MZT2B: variants seen among roughly 807,000 people sequenced by gnomAD.
MZT2B encodes the protein mitotic spindle organizing protein 2B.
Under a neutral mutation model 12.1 loss-of-function variants are expected in MZT2B, and 11 were observed. That is an observed-to-expected ratio of 0.91 (90% CI 0.57 to 1.50). The LOEUF (loss-of-function observed/expected upper bound fraction) is 1.50, where lower values mean the gene tolerates loss of function less well. MZT2B is among the 40% of genes most tolerant of loss of function. The probability of loss-of-function intolerance (pLI) is 0.00; values close to 1 mark genes in which losing one functional copy is unlikely to be tolerated. For missense variants in MZT2B, 209 were observed against 227.7 expected (o/e 0.92, Z 0.53); for synonymous variants, 85 against 109.5 (o/e 0.78, Z 1.40).
chr2:130,183,078 G>T, intron 2 of MZT2B: 1 of 530,152 alleles, frequency 1.9e-6, no homozygotes, highest in Non-Finnish European at 3.3e-6. Context: ...CGGGAATCAA[G>T]ACAGTTTGGG....
upstream of MZT2B, chr2:130,182,159 C>A: frequency 8.0e-7 from 1 of 1,256,958 alleles, no homozygotes; most frequent in East Asian, 3.6e-5. Flanking sequence ...CCCGTCCCCG[C>A]GCTCCCGCCC....
the MZT2B span, chr2:130,204,194 T>C: frequency 8.1e-7 from 1 of 1,240,486 alleles, no homozygotes; most frequent in Admixed American, 2.5e-5. Flanking sequence ...TCAGAGACAT[T>C]GAAATCCCAA....
chr2:130,181,722 G>C (rs745691204), upstream of MZT2B: 17 of 1,549,120 alleles, frequency 1.1e-5, no homozygotes, highest in South Asian at 1.9e-4. Flanking sequence ...AAGAGAAATG[G>C]CGAGGCAGGA....
chr2:130,195,069 C>T, downstream of MZT2B: 1 of 1,612,524 alleles, frequency 6.2e-7, no homozygotes, highest in Non-Finnish European at 8.5e-7. Context: ...ATGAAACCTT[C>T]TCTTCTTACC....
intron 2 of MZT2B, among the ~76,000 whole-genome samples, chr2:130,185,080 CG>C (rs1573761401): frequency 6.6e-6 from 1 of 152,084 alleles, no homozygotes; most frequent in Non-Finnish European, 1.5e-5. Context: ...GAGGCCGAGG[CG>C]GGCGGATCTC....
upstream of MZT2B, chr2:130,181,861 CT>C (rs1172131491): frequency 1.4e-5 from 22 of 1,531,722 alleles, no homozygotes; most frequent in Non-Finnish European, 1.9e-5. Flanking sequence ...GTGCCCCCCC[CT>C]TCCCCCCGCC....
At chr2:130,192,205 A>G (rs3863900), downstream of MZT2B, 2 of 1,536,582 alleles carry the variant, frequency 1.3e-6, no homozygotes, top group African/African-American at 1.4e-5. Flanking sequence ...CCTCAAACAG[A>G]AGACACCCTG....
At chr2:130,182,975 G>T in intron 2 of MZT2B, 200 bp downstream of exon 2, 1 of 860,582 alleles carries the variant, frequency 1.2e-6, no homozygotes, top group Non-Finnish European at 1.7e-6. Flanking sequence ...TCAGGTGGAC[G>T]CAGAGTGCGT....
upstream of MZT2B, chr2:130,181,759 T>G: frequency 1.3e-6 from 2 of 1,547,782 alleles, no homozygotes; most frequent in Non-Finnish European, 1.7e-6. Context: ...GGTCCTTAGC[T>G]GAATGCGCCT....
At chr2:130,202,552 C>A in the MZT2B span, 1 of 1,000,734 alleles carries the variant, frequency 1.0e-6, no homozygotes, top group Non-Finnish European at 1.3e-6. Flanking sequence ...CATGGACTGT[C>A]CCTGCTGCAA....
the MZT2B span, among the ~76,000 whole-genome samples, chr2:130,198,933 G>A: frequency 3.2e-5 from 4 of 124,420 alleles, 1 homozygote; most frequent in Admixed American, 8.8e-5. Context: ...AAAACGGGCC[G>A]GGCGCGATGG....
chr2:130,184,926 A>T (rs1690000308), intron 2 of MZT2B: 2 of 981,058 alleles, frequency 2.0e-6, no homozygotes, highest in Admixed American at 1.2e-4. Flanking sequence ...GCACTTTGGG[A>T]AGTCAAGGCA....
intron 2 of MZT2B, among the ~76,000 whole-genome samples, chr2:130,188,809 G>T (rs1257649306): frequency 6.6e-6 from 1 of 152,042 alleles, no homozygotes; most frequent in Admixed American, 6.6e-5. Flanking sequence ...AAGAGCGGGG[G>T]TCCACGGCAT....
chr2:130,191,945 C>T, downstream of MZT2B: 1 of 1,614,074 alleles, frequency 6.2e-7, no homozygotes, highest in Non-Finnish European at 8.5e-7. Context: ...CTCCCTCTTC[C>T]ATGCCTTCGC....
the MZT2B span, chr2:130,196,172 A>G: frequency 6.2e-7 from 1 of 1,613,836 alleles, no homozygotes; most frequent in Non-Finnish European, 8.5e-7. Flanking sequence ...CTCCAGGTCC[A>G]CAAACACTGC....
At chr2:130,200,225 A>T in the MZT2B span, among the ~76,000 whole-genome samples, 1 of 152,140 alleles carries the variant, frequency 6.6e-6, no homozygotes, top group Non-Finnish European at 1.5e-5. Flanking sequence ...CCCCGTCTCT[A>T]CTAAAAATAC....
At chr2:130,203,332 T>C in the MZT2B span, among the ~76,000 whole-genome samples, 1 of 152,252 alleles carries the variant, frequency 6.6e-6, no homozygotes, top group Non-Finnish European at 1.5e-5. Flanking sequence ...GACTCTGAGC[T>C]GGACCCAGAG....
At chr2:130,201,240 A>C in the MZT2B span, among the ~76,000 whole-genome samples, 5 of 152,216 alleles carry the variant, frequency 3.3e-5, no homozygotes, top group Admixed American at 3.3e-4. Flanking sequence ...AAATCAGAGG[A>C]GGCCACTGGC....
intron 2 of MZT2B, among the ~76,000 whole-genome samples, chr2:130,186,810 G>A (rs1690082420): frequency 6.6e-6 from 1 of 152,180 alleles, no homozygotes. Context: ...GGAGGCTGAG[G>A]TTGGAGGATT....
Sources: allele counts gnomAD v4.1 joint callset (sites outside exome capture counted in the v4.1 genomes callset), GRCh38; gene constraint gnomAD v4.1.1; transcripts MANE v1.5; gene names NCBI Gene and HGNC (gene_info 2026-07-23, HGNC 2026-07-21).